ADCY2: variants seen among roughly 807,000 people sequenced by gnomAD.
ADCY2 encodes the protein adenylate cyclase 2.
A neutral mutation model predicts 125.2 loss-of-function variants in ADCY2; 31 were observed. The ratio of observed to expected loss-of-function variants is 0.25; its 90% CI spans 0.19 to 0.33. The LOEUF (loss-of-function observed/expected upper bound fraction) is 0.33, where lower values mean the gene tolerates loss of function less well. ADCY2 is among the 10% of genes least tolerant of loss of function. ADCY2 has a pLI of 1.00. For synonymous variants in ADCY2, 512 were observed against 548.4 expected, an observed-to-expected ratio of 0.93 and a Z score of 0.93; for missense variants, 904 against 1,418.2, an observed-to-expected ratio of 0.64 and a Z score of 5.82.
chr5:7,634,138 A>G (rs1435517398), intron 4 of ADCY2, among the ~76,000 whole-genome samples: 1 of 152,126 alleles, frequency 6.6e-6, no homozygotes, highest in African/African-American at 2.4e-5. Flanking sequence ...AGGCATTTTG[A>G]ACTTACTTTC....
Position 7,743,745 on chromosome 5 carries a change from A to G in ADCY2, c.1949A>G (p.Gln650Arg). ...ATCCTCTTCGTCTGCTTTGCTGGAC[A>G]GCTTCTGGTAGGTATTCAAATGTGG... is the stretch of plus-strand genomic sequence containing the variant. ...AFILFVCFAG[Q>R]LLQCSKKASP... Residue 650 changes from glutamine (Q) to arginine (R), a missense_variant, in exon 15 of 25, where the codon CAG becomes CGG. Physicochemically the swap from Gln to Arg is conservative, Grantham distance 43 (BLOSUM62 1). Transcript: ENST00000338316. The G allele has an allele frequency of 6.2e-7, 1 of 1,613,928 alleles. No individual in the cohort carries two copies. Among genetic ancestry groups the G allele is most frequent in the Non-Finnish European group, 8.5e-7 (1 of 1,179,908 alleles).
At chr5:7,639,719 G>A (rs964057245) in intron 4 of ADCY2, among the ~76,000 whole-genome samples, 1 of 152,142 alleles carries the variant, frequency 6.6e-6, no homozygotes, top group African/African-American at 2.4e-5. Context: ...TATTCATTAT[G>A]AGGCTCACTT....
chr5:7,397,937 A>C (rs1292804134), intron 1 of ADCY2, among the ~76,000 whole-genome samples: 10 of 152,170 alleles, frequency 6.6e-5, no homozygotes, highest in African/African-American at 9.7e-5. Context: ...CTGGAATGGC[A>C]TTTTTATCTC....
At chr5:7,541,046 A>G (rs1008855132) in intron 3 of ADCY2, among the ~76,000 whole-genome samples, 4 of 152,246 alleles carry the variant, frequency 2.6e-5, no homozygotes, top group Non-Finnish European at 4.4e-5. Context: ...ACCAGTGTGC[A>G]TGATCTCGGC....
intron 4 of ADCY2, among the ~76,000 whole-genome samples, chr5:7,639,879 G>A (rs565756657): frequency 5.3e-5 from 8 of 152,168 alleles, no homozygotes; most frequent in South Asian, 2.1e-4. Context: ...ATATTTCTGC[G>A]AACTTGAATT....
intron 4 of ADCY2, among the ~76,000 whole-genome samples, chr5:7,631,013 A>T (rs1451272335): frequency 1.3e-5 from 2 of 151,484 alleles, no homozygotes; most frequent in African/African-American, 2.4e-5. Context: ...CTGGTCTTGC[A>T]CTCCTGATCT....
intron 20 of ADCY2, chr5:7,798,385 G>C (rs950163947): frequency 6.6e-6 from 1 of 152,154 alleles, no homozygotes; most frequent in African/African-American, 2.4e-5. Context: ...CTGCCTCGCA[G>C]CCTCTTCCTC....
At chr5:7,793,054 T>G (rs1241569873) in intron 20 of ADCY2, among the ~76,000 whole-genome samples, 1 of 152,200 alleles carries the variant, frequency 6.6e-6, no homozygotes, top group Non-Finnish European at 1.5e-5. Context: ...CCCTGCTGTG[T>G]ACCAGGGACC....
intron 18 of ADCY2, among the ~76,000 whole-genome samples, chr5:7,777,538 A>G (rs1405826471): frequency 6.6e-6 from 1 of 152,234 alleles, no homozygotes; most frequent in Non-Finnish European, 1.5e-5. Flanking sequence ...TTTAGTATCC[A>G]CATCAGGTTC....
chr5:7,592,437 A>G (rs1300397735), intron 3 of ADCY2, among the ~76,000 whole-genome samples: 2 of 152,200 alleles, frequency 1.3e-5, no homozygotes, highest in African/African-American at 4.8e-5. Flanking sequence ...ATATAATTCG[A>G]TTGAAAGAAA....
At chr5:7,554,384 A>G (rs901779248) in intron 3 of ADCY2, among the ~76,000 whole-genome samples, 3 of 152,186 alleles carry the variant, frequency 2.0e-5, no homozygotes, top group Admixed American at 6.5e-5. Context: ...TTTAACCATA[A>G]TGGGGACAAT....
intron 4 of ADCY2, chr5:7,654,072 C>T (rs1213720681): frequency 2.2e-5 from 10 of 456,080 alleles, no homozygotes; most frequent in South Asian, 1.5e-4. Flanking sequence ...AGATCAGTAG[C>T]ATTTACCACC....
intron 2 of ADCY2, among the ~76,000 whole-genome samples, chr5:7,422,144 T>C (rs988429517): frequency 7.2e-5 from 11 of 152,146 alleles, no homozygotes; most frequent in African/African-American, 2.7e-4. Context: ...AAAACAAAAC[T>C]TTGACTCACT....
At chr5:7,773,795 G>C (rs1743629408) in intron 18 of ADCY2, among the ~76,000 whole-genome samples, 1 of 152,060 alleles carries the variant, frequency 6.6e-6, no homozygotes, top group South Asian at 2.1e-4. Context: ...GATTCTACCA[G>C]GTGTACTCAC....
chr5:7,603,506 C>A (rs1049995189), intron 3 of ADCY2, among the ~76,000 whole-genome samples: 1 of 152,194 alleles, frequency 6.6e-6, no homozygotes, highest in Admixed American at 6.5e-5. Flanking sequence ...GAATTTTTTT[C>A]CCTTGAAATA....
chr5:7,695,744 T>C lies in ADCY2; in HGVS notation c.870-8T>C. On this transcript the variant is annotated splice_region_variant and splice_polypyrimidine_tract_variant and intron_variant, in intron 5 of 24. Transcript: ENST00000338316. ...AACTCTGTCTCCTCACCTCCTTTCT[T>C]CCCACAGCATCTTATACGCTGACAT... The C allele has an allele frequency of 1.3e-6, 2 of 1,588,078 alleles. No homozygotes were observed. The highest frequency in any genetic ancestry group is 1.1e-5 in the South Asian group (1 of 87,056).
At chr5:7,426,774 C>T (rs1740403425) in intron 2 of ADCY2, among the ~76,000 whole-genome samples, 2 of 152,144 alleles carry the variant, frequency 1.3e-5, no homozygotes, top group South Asian at 4.1e-4. Context: ...GAGCTGCCAG[C>T]ACTGGCTTCC....
chr5:7,484,668 T>A (rs1258328157), intron 2 of ADCY2, among the ~76,000 whole-genome samples: 1 of 152,180 alleles, frequency 6.6e-6, no homozygotes, highest in Non-Finnish European at 1.5e-5. Flanking sequence ...CCTCTTTCTT[T>A]CTATCATAAA....
intron 1 of ADCY2, among the ~76,000 whole-genome samples, chr5:7,405,623 T>G (rs1262594480): frequency 6.6e-5 from 10 of 152,196 alleles, no homozygotes; most frequent in Admixed American, 6.5e-4. Flanking sequence ...CAAGTCTTTG[T>G]TCAAGTTATT....
Sources: allele counts gnomAD v4.1 joint callset (sites outside exome capture counted in the v4.1 genomes callset), GRCh38; gene constraint gnomAD v4.1.1; transcripts MANE v1.5; gene names NCBI Gene and HGNC (gene_info 2026-07-23, HGNC 2026-07-21).